ADGB: variants seen among roughly 807,000 people sequenced by gnomAD.
ADGB encodes androglobin.
ADGB carries 172 observed loss-of-function variants against 210.5 expected under a neutral mutation model. The observed-to-expected ratio is 0.82, with a 90% CI of 0.72 to 0.93. The LOEUF (loss-of-function observed/expected upper bound fraction) is 0.93. Ranked by LOEUF, ADGB falls within the 40% of genes least tolerant of loss-of-function variation. The pLI is 0.00. For synonymous variants in ADGB, 658 were observed against 662.7 expected (o/e 0.99, Z 0.11); for missense variants, 2,025 against 1,964.8 (o/e 1.03, Z -0.58).
intron 9 of ADGB, among the ~76,000 whole-genome samples, chr6:146,677,729 TCA>T (rs1776104476): frequency 6.6e-6 from 1 of 152,202 alleles, no homozygotes; most frequent in Non-Finnish European, 1.5e-5. Flanking sequence ...AGAATGTGGT[TCA>T]GTTTGGACTG....
Position 146,635,382 on chromosome 6 carries a change from C to T in ADGB, c.82C>T (p.Pro28Ser). 1 of 1,511,476 alleles carries T rather than the reference C, an allele frequency of 6.6e-7. No homozygotes were observed. The highest frequency in any genetic ancestry group is 2.2e-5 in the Admixed American group (1 of 44,826). The allele number at this position is 1,511,476 out of a possible 1,614,324, so 93.6% of individuals were successfully genotyped here. Reference sequence around the variant, plus strand: ...CTCTCTGTCTCTGTCTAGTTTCTATCCTTTTGGCAGTAATGTACAATCTGG... The same window carrying T: ...CTCTCTGTCTCTGTCTAGTTTCTATTCTTTTGGCAGTAATGTACAATCTGG... ...HGSDKSKDFY[P>S]FGSNVQSGST... is the part of the protein sequence containing the mutation. Residue 28 changes from proline (P) to serine (S), a missense_variant, in exon 2 of 36, where the codon CCT becomes TCT. Transcript: ENST00000397944.
chr6:146,649,043 C>A (rs907524074), intron 3 of ADGB, among the ~76,000 whole-genome samples: 3 of 151,628 alleles, frequency 2.0e-5, no homozygotes, highest in Non-Finnish European at 4.4e-5. Context: ...CACAAAAAGT[C>A]TTCCTACAAG....
In ADGB at chr6:146,736,566, G is replaced by T; in HGVS notation, c.2863G>T (p.Glu955Ter). The stretch of plus-strand genomic sequence containing the variant: ...TTGGGCTGTATTGGAAATGAATTTA[G>T]AACAGTATGCAGTTTCTCTCTTAAG... ...KVWAVLEMNL[E>*]QYAVSLLRLM... is the part of the protein sequence containing the mutation. The change falls in exon 23 of 36, where the codon GAA (glutamate) becomes TAA (stop). Residue 955 changes from glutamate (E) to a stop codon, truncating the protein, a stop_gained. Transcript: ENST00000397944. LOFTEE classifies it high-confidence loss of function. 1 of 1,548,964 alleles carries T rather than the reference G, an allele frequency of 6.5e-7. No individual in the cohort carries two copies. Among genetic ancestry groups the T allele is most frequent in the South Asian group, 1.2e-5 (1 of 83,612 alleles).
chr6:146,798,690 T>C (rs1487299749), intron 33 of ADGB, among the ~76,000 whole-genome samples: 1 of 149,224 alleles, frequency 6.7e-6, no homozygotes, highest in South Asian at 2.1e-4. Flanking sequence ...AAAAAAAAAC[T>C]GTGAATAAGT....
chr6:146,684,798 A>G (rs886789171), intron 9 of ADGB, among the ~76,000 whole-genome samples: 1 of 152,134 alleles, frequency 6.6e-6, no homozygotes, highest in South Asian at 2.1e-4. Flanking sequence ...AACTAACATC[A>G]TCAAACAAAT....
At chr6:146,611,347 C>G (rs1217912237) in intron 1 of ADGB, among the ~76,000 whole-genome samples, 1 of 152,042 alleles carries the variant, frequency 6.6e-6, no homozygotes, top group Non-Finnish European at 1.5e-5. Flanking sequence ...AGGCCAAAAC[C>G]ACCTAGAGGA....
chr6:146,620,668 A>C (rs1031093464), intron 1 of ADGB, among the ~76,000 whole-genome samples: 3 of 151,422 alleles, frequency 2.0e-5, no homozygotes, highest in Non-Finnish European at 4.4e-5. Flanking sequence ...TCTTTGTCGT[A>C]TTTCTCATTT....
intron 33 of ADGB, among the ~76,000 whole-genome samples, chr6:146,793,744 T>C (rs1297641672): frequency 5.9e-5 from 9 of 152,216 alleles, no homozygotes; most frequent in African/African-American, 1.9e-4. Flanking sequence ...AAAGGTGTTG[T>C]CTGATTTCAG....
At chr6:146,788,995 T>C (rs1777919484) in intron 33 of ADGB, among the ~76,000 whole-genome samples, 1 of 152,204 alleles carries the variant, frequency 6.6e-6, no homozygotes, top group Non-Finnish European at 1.5e-5. Context: ...ATAGCAAATT[T>C]TAAGAATGTC....
At chr6:146,689,282 A>G (rs866213054) in intron 10 of ADGB, among the ~76,000 whole-genome samples, 6 of 152,304 alleles carry the variant, frequency 3.9e-5, no homozygotes, top group Middle Eastern at 3.4e-3. Flanking sequence ...AATCCAAGGA[A>G]CTTTGAAATC....
At chr6:146,756,664 A>G (rs1777410275) in intron 27 of ADGB, among the ~76,000 whole-genome samples, 1 of 151,902 alleles carries the variant, frequency 6.6e-6, no homozygotes, top group Non-Finnish European at 1.5e-5. Context: ...CACTGTACCA[A>G]TATATTTCCC....
intron 29 of ADGB, among the ~76,000 whole-genome samples, chr6:146,779,822 A>C (rs114504103): frequency 0.013 from 1,919 of 151,134 alleles, 34 homozygotes; most frequent in African/African-American, 0.041. Flanking sequence ...TTTGAAAACA[A>C]ACTTGCCCTA....
At chr6:146,647,115 AAAAC>A (rs369613079) in intron 3 of ADGB, among the ~76,000 whole-genome samples, 3,480 of 147,820 alleles carry the variant, frequency 0.024, 56 homozygotes, top group Middle Eastern at 0.052. Context: ...CAAAAAACAA[AAAAC>A]AAACAAACAA....
intron 3 of ADGB, among the ~76,000 whole-genome samples, chr6:146,645,373 A>G (rs542250895): frequency 2.6e-5 from 4 of 152,172 alleles, no homozygotes; most frequent in African/African-American, 9.6e-5. Flanking sequence ...ATGTCACTCA[A>G]TAAACTTTCA....
At chr6:146,703,756 A>T (rs1181614655) in intron 13 of ADGB, among the ~76,000 whole-genome samples, 1 of 151,908 alleles carries the variant, frequency 6.6e-6, no homozygotes, top group Non-Finnish European at 1.5e-5. Flanking sequence ...ATAATGCTAT[A>T]ATGAAGATGG....
chr6:146,726,896 A>G (rs1776903208), intron 19 of ADGB, among the ~76,000 whole-genome samples: 2 of 151,990 alleles, frequency 1.3e-5, no homozygotes, highest in Admixed American at 1.3e-4. Flanking sequence ...AGGAATCTGG[A>G]GCATGTGCCT....
chr6:146,813,234 C>G (rs1422980956), intron 35 of ADGB, among the ~76,000 whole-genome samples: 2 of 151,754 alleles, frequency 1.3e-5, no homozygotes, highest in African/African-American at 4.8e-5. Context: ...TTCTTTCTCC[C>G]CTTTCTCCAG....
At chr6:146,727,522 T>C (rs1292164159) in intron 19 of ADGB, among the ~76,000 whole-genome samples, 2 of 152,344 alleles carry the variant, frequency 1.3e-5, no homozygotes, top group South Asian at 2.1e-4. Flanking sequence ...GTATACATTG[T>C]CAGTTTGTTG....
At position 146,763,968 on chromosome 6, in the gene ADGB, A is replaced by G; in HGVS notation, c.3618A>G (p.Lys1206=). Residue 1206 remains lysine, a synonymous_variant, in exon 28 of 36, where the codon AAA becomes AAG. Transcript: ENST00000397944. ...AGCAAGAAGTGTATGTTAAGAAGAA[A>G]GCTGCTCAGGGAATTCAGAAATCCC... is the stretch of plus-strand genomic sequence containing the variant. ...KKEQEVYVKK[K]AAQGIQKSPK... 6.4e-7 allele frequency: 1 copy of G among 1,551,536 alleles called. No individual in the cohort carries two copies. Among genetic ancestry groups the G allele is most frequent in the East Asian group, 2.4e-5 (1 of 40,908 alleles).
Sources: allele counts gnomAD v4.1 joint callset (sites outside exome capture counted in the v4.1 genomes callset), GRCh38; gene constraint gnomAD v4.1.1; transcripts MANE v1.5; gene names NCBI Gene and HGNC (gene_info 2026-07-23, HGNC 2026-07-21).